The following NUDCD3 variants were observed in gnomAD, a reference collection of about 807,000 sequenced individuals.
NUDCD3 encodes the protein NudC domain containing 3.
In NUDCD3, 13 loss-of-function variants were observed where a neutral mutation model predicts 39.7. The ratio of observed to expected loss-of-function variants is 0.33; its 90% CI spans 0.21 to 0.52. NUDCD3 has a LOEUF of 0.52. Ranked by LOEUF, NUDCD3 falls within the 20% of genes least tolerant of loss-of-function variation. NUDCD3 has a pLI of 0.96. For synonymous variants in NUDCD3, 175 were observed against 172.4 expected, an observed-to-expected ratio of 1.02 and a Z score of -0.12; for missense variants, 453 against 458.1, an observed-to-expected ratio of 0.99 and a Z score of 0.10.
At chr7:44,444,221 T>C (rs901959131) in intron 2 of NUDCD3, among the ~76,000 whole-genome samples, 18 of 152,332 alleles carry the variant, frequency 1.2e-4, no homozygotes, top group African/African-American at 4.1e-4. Flanking sequence ...TATCAACAGA[T>C]GATAGGATAG....
chr7:44,391,661 G>A (rs1798518858), intron 5 of NUDCD3, among the ~76,000 whole-genome samples: 1 of 152,202 alleles, frequency 6.6e-6, no homozygotes, highest in Non-Finnish European at 1.5e-5. Context: ...TGGGACACGG[G>A]AAGTTAAAAA....
At chr7:44,486,145 T>A (rs959752040) in intron 1 of NUDCD3, among the ~76,000 whole-genome samples, 1 of 152,146 alleles carries the variant, frequency 6.6e-6, no homozygotes, top group Non-Finnish European at 1.5e-5. Context: ...GCTCTAAGAA[T>A]AGGCTTGTCA....
Position 44,490,454 on chromosome 7 carries a change from G to A in NUDCD3, c.147C>T (p.Asp49=). ...DFYRLLRHPS[D]RMGFPPGAAQ... is the part of the protein sequence containing the mutation. ...CGGCCCCGGGCGGGAAGCCCATGCG[G>A]TCCGATGGGTGGCGCAGCAAGCGAT... The change falls in exon 1 of 6, where the codon GAC becomes GAT. Residue 49 remains aspartate (D), a synonymous_variant. Transcript: ENST00000355451. 6.3e-7 allele frequency: 1 copy of A among 1,596,564 alleles called. No individual in the cohort carries two copies. Among genetic ancestry groups the A allele is most frequent in the South Asian group, 1.1e-5 (1 of 88,870 alleles).
intron 2 of NUDCD3, among the ~76,000 whole-genome samples, chr7:44,432,460 C>CAG (rs1163082678): frequency 6.6e-6 from 1 of 152,174 alleles, no homozygotes; most frequent in Non-Finnish European, 1.5e-5. Flanking sequence ...AGCTCTTCTC[C>CAG]AGAGAGAGAA....
intron 2 of NUDCD3, among the ~76,000 whole-genome samples, chr7:44,453,394 T>C (rs1029651654): frequency 6.6e-6 from 1 of 151,938 alleles, no homozygotes; most frequent in African/African-American, 2.4e-5. Context: ...TAATAATAAA[T>C]AAACAATGTC....
Position 44,444,183 on chromosome 7 carries a change from G to A in NUDCD3, c.510-16480C>T, listed in dbSNP as rs141038082. 2.2e-3 allele frequency among the ~76,000 whole-genome samples: 334 copies of A among 152,272 alleles called. 2 individuals carry two copies. The highest frequency in any genetic ancestry group is 7.2e-3 in the African/African-American group (298 of 41,558). On this transcript the variant is annotated intron_variant, in intron 2 of 5. Transcript: ENST00000355451. ...GGCTACAGACTCAGGGTCCCTGCCC[G>A]CCACTTTAACCTTCTCATCTCACAG...
chr7:44,485,873 A>C (rs1309285542), intron 1 of NUDCD3, among the ~76,000 whole-genome samples: 3 of 152,240 alleles, frequency 2.0e-5, no homozygotes, highest in Non-Finnish European at 4.4e-5. Flanking sequence ...ACAAGTTCTT[A>C]ACATTTTCTG....
In NUDCD3 at chr7:44,445,750, G is replaced by C. The variant is rs17132089; in HGVS notation, c.510-18047C>G. Among the ~76,000 whole-genome samples the C allele has an allele frequency of 4.2e-3, 645 of 152,332 alleles. 7 individuals are homozygous for C. Among genetic ancestry groups the C allele is most frequent in the African/African-American group, 0.015 (614 of 41,572 alleles). ...TACGACAACTTTCAGCTGATGTAAAGCTCTATGAAGCAATGAGTTCTCTAA... is the reference window on the plus strand; with the variant it reads ...TACGACAACTTTCAGCTGATGTAAACCTCTATGAAGCAATGAGTTCTCTAA... On this transcript the variant is annotated intron_variant, in intron 2 of 5. Transcript: ENST00000355451.
intron 5 of NUDCD3, 122 bp from the exon 6 acceptor site, chr7:44,386,243 G>C: frequency 9.5e-7 from 1 of 1,048,560 alleles, no homozygotes. Context: ...CACTTGCCTG[G>C]CAAGACCGGC....
rs571711692 is a variant in NUDCD3, at chr7:44,426,779, G to A, written c.642+792C>T. 2.2e-3 allele frequency among the ~76,000 whole-genome samples: 323 copies of A among 144,986 alleles called. 2 individuals are homozygous for A. Among genetic ancestry groups the A allele is most frequent in the African/African-American group, 7.7e-3 (300 of 39,046 alleles). ...CCACTGCACTCCAGCCTGGGCGACA[G>A]AGCGAGACTCCGTCTCAAAAAAAAA... On this transcript the variant is annotated intron_variant, in intron 3 of 5. Coordinates refer to ENST00000355451, the MANE Select transcript of NUDCD3 (RefSeq NM_015332.4).
chr7:44,487,818 G>A lies in NUDCD3; in HGVS notation c.193-2534C>T, dbSNP rs145087778. On this transcript the variant is annotated intron_variant, in intron 1 of 5. Coordinates refer to ENST00000355451, the MANE Select transcript of NUDCD3 (RefSeq NM_015332.4). ...AAAATACAAAAATTCTCTAGGCATG[G>A]TGGTACATGCCTGTAAACCCAGCTA... Among the ~76,000 whole-genome samples the A allele has an allele frequency of 5.8e-3, 878 of 152,118 alleles. 8 individuals carry two copies. Among genetic ancestry groups the A allele is most frequent in the African/African-American group, 0.02 (828 of 41,492 alleles).
intron 2 of NUDCD3, among the ~76,000 whole-genome samples, chr7:44,440,800 A>G (rs1375210531): frequency 1.3e-5 from 2 of 152,150 alleles, no homozygotes; most frequent in Admixed American, 1.3e-4. Context: ...AATGATCCCA[A>G]TTCTTAGCCT....
At chr7:44,405,555 T>C (rs1798803385) in intron 3 of NUDCD3, among the ~76,000 whole-genome samples, 3 of 152,208 alleles carry the variant, frequency 2.0e-5, no homozygotes, top group African/African-American at 7.2e-5. Flanking sequence ...CTTAAAACTT[T>C]TTTCTAATAG....
Position 44,485,156 on chromosome 7 carries a change from C to T in NUDCD3, c.321G>A (p.Glu107=), listed in dbSNP as rs1185314484. 7 of 1,614,184 alleles carry T rather than the reference C, an allele frequency of 4.3e-6. No individual in the cohort carries two copies. Among genetic ancestry groups the T allele is most frequent in the African/African-American group, 1.3e-5 (1 of 75,044 alleles). Residue 107 remains glutamate (E), a synonymous_variant, in exon 2 of 6, where the codon GAG becomes GAA. Coordinates refer to ENST00000355451, the MANE Select transcript of NUDCD3 (RefSeq NM_015332.4). ...TTTCCTGGACTGGAACTGGGACTGGCTCCTTCTCAGCTGCAGCAGCTGACA... is the reference window on the plus strand; with the variant it reads ...TTTCCTGGACTGGAACTGGGACTGGTTCCTTCTCAGCTGCAGCAGCTGACA... The part of the protein sequence containing the change: ...KTVSAAAAEK[E]PVPVPVQEIE...
intron 2 of NUDCD3, among the ~76,000 whole-genome samples, chr7:44,449,454 A>C (rs1799750915): frequency 6.6e-6 from 1 of 152,208 alleles, no homozygotes; most frequent in South Asian, 2.1e-4. Context: ...AGTAGAAGAC[A>C]AGGACTGGGT....
At chr7:44,393,443 C>T (rs979856650) in intron 4 of NUDCD3, among the ~76,000 whole-genome samples, 3 of 152,190 alleles carry the variant, frequency 2.0e-5, no homozygotes, top group Admixed American at 2.0e-4. Context: ...AGAGGAGGGC[C>T]CTGGCCACAC....
intron 1 of NUDCD3, chr7:44,485,491 A>C: frequency 1.9e-6 from 1 of 532,302 alleles, no homozygotes. Flanking sequence ...AATCAACAAA[A>C]TCAGAAACTT....
rs2116846681 is a variant in NUDCD3, at chr7:44,380,153, T to C, written c.*5858A>G. 1 of 152,360 alleles carries C rather than the reference T, an allele frequency of 6.6e-6. No individual in the cohort carries two copies. Among genetic ancestry groups the C allele is most frequent in the East Asian group, 1.9e-4 (1 of 5,176 alleles). The allele number at this position is 152,360 out of a possible 1,614,324, so 9.4% of individuals were successfully genotyped here. On this transcript the variant is annotated 3_prime_UTR_variant, in exon 6 of 6. Transcript: ENST00000355451. ...TGGATGGTTTGGATCTCTCCTCACCTGGCTGGTCAGGCCAGGGAGGACAAG... is the reference window on the plus strand; with the variant it reads ...TGGATGGTTTGGATCTCTCCTCACCCGGCTGGTCAGGCCAGGGAGGACAAG...
chr7:44,475,860 T>TTTA (rs1438922568), intron 2 of NUDCD3, among the ~76,000 whole-genome samples: 3 of 152,234 alleles, frequency 2.0e-5, no homozygotes, highest in Non-Finnish European at 4.4e-5. Context: ...AGGGATTTTC[T>TTTA]TTATATACTC....
Sources: allele counts gnomAD v4.1 joint callset (sites outside exome capture counted in the v4.1 genomes callset), GRCh38; gene constraint gnomAD v4.1.1; transcripts MANE v1.5; gene names NCBI Gene and HGNC (gene_info 2026-07-23, HGNC 2026-07-21).